DCHS2: variants seen among roughly 807,000 people sequenced by gnomAD.
The protein encoded by DCHS2 is protocadherin-23.
DCHS2 carries 142 observed loss-of-function variants against 182.4 expected under a neutral mutation model. That is an observed-to-expected ratio of 0.78 (90% CI 0.68 to 0.89). The LOEUF (loss-of-function observed/expected upper bound fraction) is 0.89, where lower values mean the gene tolerates loss of function less well. DCHS2 is among the 40% of genes least tolerant of loss of function. The pLI is 0.00. For synonymous variants in DCHS2, 1,740 were observed against 1,663.3 expected (o/e 1.05, Z -1.12); for missense variants, 4,319 against 4,198.6 (o/e 1.03, Z -0.79).
chr4:154,322,979 C>T (rs1015651054), intron 7 of DCHS2: 11 of 454,584 alleles, frequency 2.4e-5, no homozygotes, highest in Non-Finnish European at 3.8e-5. Context: ...TCAACCATCC[C>T]ATAAATACTC....
chr4:154,442,536 C>T (rs543274408), intron 1 of DCHS2, among the ~76,000 whole-genome samples: 1 of 80,458 alleles, frequency 1.2e-5, no homozygotes, highest in Non-Finnish European at 3.0e-5. Context: ...GACACCCCCC[C>T]CCCCCCACAC....
At chr4:154,343,150 CAGGCTGTAGACAGATGATATCTGTAAACA>C (rs1000801559) in intron 3 of DCHS2, among the ~76,000 whole-genome samples, 41 of 152,216 alleles carry the variant, frequency 2.7e-4, no homozygotes, top group African/African-American at 9.4e-4. Context: ...TTCTGTAAAC[CAGGCTGTAGACAGATGATATCTGTAAACA>C]GATAACATCT....
In DCHS2 at chr4:154,400,417, A is replaced by G. The variant is rs1410533054; in HGVS notation, c.2053-22973T>C. 2.0e-5 allele frequency among the ~76,000 whole-genome samples: 3 copies of G among 151,936 alleles called. No homozygotes were observed. In the East Asian group the frequency reaches 5.8e-4, roughly 29 times the overall value. On this transcript the variant is annotated intron_variant, in intron 1 of 19. Transcript: ENST00000357232. The stretch of plus-strand genomic sequence containing the variant: ...TTCTCATCCAGGAAATCAGAAATGT[A>G]CACTACACTCTTCAGTAACCACCCA...
intron 10 of DCHS2, among the ~76,000 whole-genome samples, chr4:154,307,329 T>G (rs1275934695): frequency 6.6e-6 from 1 of 152,200 alleles, no homozygotes; most frequent in Non-Finnish European, 1.5e-5. Flanking sequence ...GTGATATCCT[T>G]ATGACACATG....
chr4:154,260,046 A>G (rs1035179215), intron 14 of DCHS2, among the ~76,000 whole-genome samples: 1 of 151,850 alleles, frequency 6.6e-6, no homozygotes, highest in Non-Finnish European at 1.5e-5. Flanking sequence ...CTGGTCTCGA[A>G]CTCCTGACCT....
intron 3 of DCHS2, among the ~76,000 whole-genome samples, chr4:154,345,830 A>G (rs1233338387): frequency 6.6e-6 from 1 of 152,264 alleles, no homozygotes; most frequent in Non-Finnish European, 1.5e-5. Context: ...AAAAATCATG[A>G]GATGGCTTGA....
intron 14 of DCHS2, among the ~76,000 whole-genome samples, chr4:154,262,532 G>A (rs891295077): frequency 6.6e-6 from 1 of 152,018 alleles, no homozygotes; most frequent in South Asian, 2.1e-4. Flanking sequence ...TGCCAGTTAT[G>A]GAATAACTTG....
At position 154,236,407 on chromosome 4, in the gene DCHS2, GT is replaced by G; in HGVS notation, c.8244del (p.Lys2748AsnfsTer44). ...LTVQASDAEKKHFSFAVVFVS... is the reference protein window; with the variant it reads ...LTVQASDAEKXHFSFAVVFVS... ...ACAAACACAACTGCAAAAGAAAAAT[GT>G]TTCTTTTCTGCATCTGAAGCTTGGA... is the stretch of plus-strand genomic sequence containing the variant. On this transcript the variant is annotated frameshift_variant, in exon 20 of 20. Transcript: ENST00000357232. LOFTEE classifies it low-confidence loss of function (END_TRUNC). 1.2e-6 allele frequency: 2 copies of G among 1,614,046 alleles called. No individual in the cohort carries two copies. The highest frequency in any genetic ancestry group is 8.5e-7 in the Non-Finnish European group (1 of 1,179,956).
chr4:154,322,632 TAGAC>T (rs1736110612), intron 7 of DCHS2, 144 bp from the exon 8 acceptor site: 1 of 1,116,614 alleles, frequency 9.0e-7, no homozygotes, highest in African/African-American at 1.6e-5. Flanking sequence ...ACACTAAAAA[TAGAC>T]AAGAAACATC....
chr4:154,309,892 C>T (rs774301685), intron 10 of DCHS2, among the ~76,000 whole-genome samples: 1 of 152,190 alleles, frequency 6.6e-6, no homozygotes, highest in Non-Finnish European at 1.5e-5. Context: ...GACTATGATG[C>T]AGAAGACTGT....
intron 1 of DCHS2, among the ~76,000 whole-genome samples, chr4:154,456,343 C>A (rs920588319): frequency 6.6e-6 from 1 of 152,200 alleles, no homozygotes; most frequent in Non-Finnish European, 1.5e-5. Context: ...TATTTATCAT[C>A]AACAGTGCAG....
intron 4 of DCHS2, chr4:154,334,403 T>C (rs1188120270): frequency 1.3e-5 from 2 of 154,178 alleles, no homozygotes; most frequent in Non-Finnish European, 2.9e-5. Flanking sequence ...TGGTAGCAAA[T>C]GTAAACATAA....
At chr4:154,331,628 G>C (rs1353210203) in intron 5 of DCHS2, 1 of 1,613,852 alleles carries the variant, frequency 6.2e-7, no homozygotes, top group East Asian at 2.2e-5. Flanking sequence ...AAGGCTTGAA[G>C]TTCATCAGAA....
At chr4:154,330,680 T>TA (rs891439350) in intron 5 of DCHS2, among the ~76,000 whole-genome samples, 10 of 152,046 alleles carry the variant, frequency 6.6e-5, no homozygotes, top group East Asian at 5.8e-4. Flanking sequence ...AGCATTGCAT[T>TA]AAAAAAAAGT....
rs569378403 is a variant in DCHS2 at position 154,285,829 on chromosome 4, G to A, written c.6463+12022C>T. Reference sequence around the variant, plus strand: ...GCCATGAAGGAAAGGACACAAGCTCGGCTGGCTTCAACATCCACTGTAGAG... The same window carrying A: ...GCCATGAAGGAAAGGACACAAGCTCAGCTGGCTTCAACATCCACTGTAGAG... On this transcript the variant is annotated intron_variant, in intron 13 of 19. Coordinates refer to ENST00000357232, the MANE Select transcript of DCHS2 (RefSeq NM_001358235.2). Among the ~76,000 whole-genome samples the A allele has an allele frequency of 8.9e-4, 136 of 152,108 alleles. 1 individual carries two copies. The highest frequency in any genetic ancestry group is 3.0e-3 in the African/African-American group (126 of 41,500).
intron 16 of DCHS2, among the ~76,000 whole-genome samples, chr4:154,252,569 T>TAAG (rs1239773208): frequency 6.6e-6 from 1 of 151,974 alleles, no homozygotes; most frequent in Non-Finnish European, 1.5e-5. Flanking sequence ...CTCCCACAAA[T>TAAG]AAGTGAGAAC....
Position 154,391,254 on chromosome 4 carries a change from T to C in DCHS2, c.2053-13810A>G, listed in dbSNP as rs1270743622. On this transcript the variant is annotated intron_variant, in intron 1 of 19. Transcript: ENST00000357232. ...AAACTGCTGAGTAAACATCTTCTTT[T>C]CTCCGTCTTCATTCTCTGATTTCGT... The C allele has an allele frequency of 1.9e-6, 3 of 1,611,266 alleles. No individual in the cohort carries two copies. The South Asian group carries it at 3.3e-5, about 18-fold the overall frequency.
rs1281727637 is a variant in DCHS2, at chr4:154,447,142, A to T, written c.2052+42162T>A. Among the ~76,000 whole-genome samples, 3 of 152,046 alleles carry T rather than the reference A, an allele frequency of 2.0e-5. No individual in the cohort carries two copies. The East Asian group carries it at 5.8e-4, about 29-fold the overall frequency. On this transcript the variant is annotated intron_variant, in intron 1 of 19. Coordinates refer to ENST00000357232, the MANE Select transcript of DCHS2 (RefSeq NM_001358235.2). The stretch of plus-strand genomic sequence containing the variant: ...CCCCATCTCTACTAAAAATACAAAA[A>T]CTAGCCGGACATGGTGGTGCACTCC...
intron 1 of DCHS2, among the ~76,000 whole-genome samples, chr4:154,393,003 C>CT (rs1056624028): frequency 6.6e-6 from 1 of 152,096 alleles, no homozygotes; most frequent in Non-Finnish European, 1.5e-5. Context: ...TTCCACTTGA[C>CT]TTTTTTCCTG....
Sources: allele counts gnomAD v4.1 joint callset (sites outside exome capture counted in the v4.1 genomes callset), GRCh38; gene constraint gnomAD v4.1.1; transcripts MANE v1.5; gene names NCBI Gene and HGNC (gene_info 2026-07-23, HGNC 2026-07-21).